Variants in EYS observed in about 807,000 individuals in gnomAD.
The protein encoded by EYS is EGF-like photoreceptor maintenance factor.
EYS carries 250 observed loss-of-function variants against 282.1 expected under a neutral mutation model. The observed-to-expected ratio is 0.89, with a 90% confidence interval of 0.80 to 0.98. The LOEUF (loss-of-function observed/expected upper bound fraction) is 0.98. Among genes scored for constraint, EYS ranks in the 50% least tolerant of loss-of-function variants. The pLI, the probability that EYS is intolerant of heterozygous loss-of-function variation, is 0.00. For synonymous variants in EYS, 1,355 were observed against 1,282.9 expected (o/e 1.06, Z -1.20); for missense variants, 4,016 against 3,709.0 (o/e 1.08, Z -2.15).
intron 35 of EYS, among the ~76,000 whole-genome samples, chr6:63,912,003 CAGAA>C (rs1434221181): frequency 6.6e-6 from 1 of 152,164 alleles, no homozygotes; most frequent in Non-Finnish European, 1.5e-5. Context: ...TTAAGATACT[CAGAA>C]AGCCCAAGTT....
chr6:63,974,797 T>C (rs184568287), intron 35 of EYS, among the ~76,000 whole-genome samples: 242 of 152,100 alleles, frequency 1.6e-3, no homozygotes, highest in Non-Finnish European at 2.8e-3. Flanking sequence ...ATACAACACT[T>C]ATTTGCCGAA....
At chr6:65,549,528 G>A (rs6455046) in intron 2 of EYS, among the ~76,000 whole-genome samples, 83,486 of 151,852 alleles carry the variant, frequency 0.55, 22,981 homozygotes, top group East Asian at 0.71. Context: ...TAGTTGCTAT[G>A]AAGACCTTAT....
intron 12 of EYS, among the ~76,000 whole-genome samples, chr6:65,236,321 C>G (rs552355586): frequency 3.9e-5 from 6 of 151,976 alleles, no homozygotes; most frequent in Non-Finnish European, 8.8e-5. Flanking sequence ...ATATAAAACC[C>G]GTAAAATGGG....
chr6:63,864,632 T>C (rs940473478), intron 35 of EYS, among the ~76,000 whole-genome samples: 4 of 152,198 alleles, frequency 2.6e-5, no homozygotes, highest in Non-Finnish European at 5.9e-5. Context: ...TGTCTCATCT[T>C]TTATTTCACA....
chr6:65,510,730 T>A (rs1363544206), intron 2 of EYS, among the ~76,000 whole-genome samples: 1 of 152,210 alleles, frequency 6.6e-6, no homozygotes, highest in African/African-American at 2.4e-5. Flanking sequence ...TGATTAAGAC[T>A]TGAAGTATGT....
At chr6:64,801,036 CAT>C (rs910437637) in intron 22 of EYS, among the ~76,000 whole-genome samples, 2 of 151,924 alleles carry the variant, frequency 1.3e-5, no homozygotes, top group African/African-American at 4.8e-5. Context: ...AAGTTTATCT[CAT>C]TGTTTCTTTT....
intron 28 of EYS, among the ~76,000 whole-genome samples, chr6:64,402,355 A>C (rs189004554): frequency 6.6e-6 from 1 of 152,316 alleles, no homozygotes; most frequent in East Asian, 1.9e-4. Context: ...TTGATTTCTT[A>C]ATAAAACTTA....
At chr6:65,216,015 A>G (rs771930550) in intron 12 of EYS, among the ~76,000 whole-genome samples, 19 of 150,226 alleles carry the variant, frequency 1.3e-4, no homozygotes, top group Admixed American at 2.0e-4. Context: ...GTGGTCTAGA[A>G]CCAAACCTGT....
chr6:64,093,894 T>C (rs966567415), intron 31 of EYS, among the ~76,000 whole-genome samples: 4 of 152,184 alleles, frequency 2.6e-5, no homozygotes, highest in Non-Finnish European at 4.4e-5. Flanking sequence ...TGTGGATTTG[T>C]CATAGATAGC....
chr6:65,526,238 T>C (rs909827551), intron 2 of EYS, among the ~76,000 whole-genome samples: 6 of 152,196 alleles, frequency 3.9e-5, no homozygotes, highest in East Asian at 1.9e-4. Context: ...CTGATTCCCA[T>C]TGACATATGA....
intron 14 of EYS, among the ~76,000 whole-genome samples, chr6:64,962,907 CGAT>C (rs1211769759): frequency 6.6e-6 from 1 of 152,102 alleles, no homozygotes; most frequent in Non-Finnish European, 1.5e-5. Context: ...TTGATTAGCT[CGAT>C]GAGGCTTAAA....
chr6:64,226,068 G>A (rs1195878371), intron 31 of EYS, among the ~76,000 whole-genome samples: 1 of 152,146 alleles, frequency 6.6e-6, no homozygotes, highest in Non-Finnish European at 1.5e-5. Context: ...TTCTCTGGAA[G>A]AGATAAATCT....
At chr6:65,591,380 G>A (rs1765228887) in intron 2 of EYS, among the ~76,000 whole-genome samples, 1 of 151,806 alleles carries the variant, frequency 6.6e-6, no homozygotes, top group African/African-American at 2.4e-5. Context: ...GTATATATAT[G>A]TGTGTGCCTG....
intron 31 of EYS, among the ~76,000 whole-genome samples, chr6:64,215,557 A>G (rs1380063454): frequency 2.0e-5 from 3 of 152,104 alleles, no homozygotes; most frequent in Non-Finnish European, 4.4e-5. Flanking sequence ...TATAAATGGA[A>G]GTAATTTCTA....
At chr6:64,439,498 G>C (rs1006676946) in intron 26 of EYS, 146 bp from the exon 27 acceptor site, 1 of 487,882 alleles carries the variant, frequency 2.0e-6, no homozygotes, top group African/African-American at 2.0e-5. Flanking sequence ...CTTTCCTTTG[G>C]AATAGTCATG....
intron 12 of EYS, among the ~76,000 whole-genome samples, chr6:65,236,661 T>C (rs1001714846): frequency 6.6e-6 from 1 of 152,118 alleles, no homozygotes; most frequent in East Asian, 1.9e-4. Flanking sequence ...GGTTTGTGGC[T>C]ACCAAATATA....
intron 2 of EYS, among the ~76,000 whole-genome samples, chr6:65,512,527 T>C (rs1312661809): frequency 1.3e-5 from 2 of 149,050 alleles, no homozygotes; most frequent in African/African-American, 4.9e-5. Context: ...CATTGTAAAG[T>C]AATTTTAATT....
chr6:64,549,703 C>T (rs1043924972), intron 26 of EYS, among the ~76,000 whole-genome samples: 29 of 151,570 alleles, frequency 1.9e-4, no homozygotes, highest in Non-Finnish European at 3.2e-4. Context: ...CCAATATACA[C>T]TCCTTACGCC....
chr6:64,046,586 C>T (rs974366656), intron 33 of EYS, among the ~76,000 whole-genome samples: 8 of 150,872 alleles, frequency 5.3e-5, no homozygotes, highest in African/African-American at 1.9e-4. Context: ...GAATTTATTT[C>T]CTTTCTTTTT....
Sources: allele counts gnomAD v4.1 joint callset (sites outside exome capture counted in the v4.1 genomes callset), GRCh38; gene constraint gnomAD v4.1.1; transcripts MANE v1.5; gene names NCBI Gene and HGNC (gene_info 2026-07-23, HGNC 2026-07-21).